The following MAN1C1 variants were observed in gnomAD, a reference collection of about 807,000 sequenced individuals.
MAN1C1 encodes the protein mannosyl-oligosaccharide 1,2-alpha-mannosidase IC.
MAN1C1 carries 49 observed loss-of-function variants against 71.5 expected under a neutral mutation model. The observed-to-expected ratio is 0.69, with a 90% CI of 0.54 to 0.87. The LOEUF is 0.87. Ranked by LOEUF, MAN1C1 falls within the 40% of genes least tolerant of loss-of-function variation. The pLI is 0.00. For synonymous variants in MAN1C1, 352 were observed against 343.7 expected, an observed-to-expected ratio of 1.02 and a Z score of -0.27; for missense variants, 743 against 835.0, an observed-to-expected ratio of 0.89 and a Z score of 1.36.
chr1:25,774,453 G>T (rs760601), intron 8 of MAN1C1, among the ~76,000 whole-genome samples: 1 of 151,926 alleles, frequency 6.6e-6, no homozygotes, highest in South Asian at 2.1e-4. Flanking sequence ...TCTGACTCCA[G>T]ATCCATTGGG....
chr1:25,739,309 A>G (rs1456541749), intron 2 of MAN1C1, among the ~76,000 whole-genome samples: 1 of 152,198 alleles, frequency 6.6e-6, no homozygotes, highest in Admixed American at 6.5e-5. Flanking sequence ...CTTTGAAAAG[A>G]TGGTCTGCCA....
intron 4 of MAN1C1, among the ~76,000 whole-genome samples, chr1:25,751,109 A>G (rs537525577): frequency 7.9e-6 from 1 of 126,354 alleles, no homozygotes; most frequent in South Asian, 2.4e-4. Context: ...CCTTCCTTCC[A>G]TCCATCTTTC....
At chr1:25,760,037 C>G (rs111368811) in intron 6 of MAN1C1, 2 of 152,350 alleles carry the variant, frequency 1.3e-5, no homozygotes, top group African/African-American at 4.8e-5. Flanking sequence ...AGTCCCATCC[C>G]CCAACCTCCC....
chr1:25,622,840 T>A (rs1161197257), intron 1 of MAN1C1, among the ~76,000 whole-genome samples: 2 of 152,232 alleles, frequency 1.3e-5, no homozygotes, highest in East Asian at 3.8e-4. Flanking sequence ...ATTAACGGGC[T>A]GGTTCGTTAG....
At chr1:25,668,600 G>C (rs1019052170) in intron 1 of MAN1C1, among the ~76,000 whole-genome samples, 1 of 148,764 alleles carries the variant, frequency 6.7e-6, no homozygotes, top group Non-Finnish European at 1.5e-5. Flanking sequence ...CAGTCACCCA[G>C]GCTGGAGTGC....
At chr1:25,676,424 G>A (rs1038784636) in intron 1 of MAN1C1, among the ~76,000 whole-genome samples, 27 of 152,102 alleles carry the variant, frequency 1.8e-4, no homozygotes, top group African/African-American at 6.5e-4. Flanking sequence ...AGCCTCACTG[G>A]GGTCACCAAC....
chr1:25,759,057 G>T (rs2047327243), intron 6 of MAN1C1: 2 of 244,730 alleles, frequency 8.2e-6, no homozygotes, highest in Admixed American at 4.7e-5. Flanking sequence ...CCTTGCATTG[G>T]CAGGAATTGG....
chr1:25,767,964 A>G (rs1369088665), intron 7 of MAN1C1, among the ~76,000 whole-genome samples: 4 of 83,996 alleles, frequency 4.8e-5, no homozygotes, highest in African/African-American at 5.2e-5. Flanking sequence ...ATACATCCAC[A>G]CTCCCCTCAC....
intron 1 of MAN1C1, among the ~76,000 whole-genome samples, chr1:25,664,274 A>G (rs1292216390): frequency 6.8e-6 from 1 of 146,208 alleles, no homozygotes; most frequent in Non-Finnish European, 1.5e-5. Context: ...TTTTTTTTTT[A>G]ATTTTAATCC....
In MAN1C1 at chr1:25,624,175, A is replaced by C. The variant is rs536860997; in HGVS notation, c.540+5838A>C. On this transcript the variant is annotated intron_variant, in intron 1 of 11. Coordinates refer to ENST00000374332, the MANE Select transcript of MAN1C1 (RefSeq NM_020379.4). ...AAGCCAAACGGGAGACTCCTCAAAG[A>C]ATTCCAAGGACTCAAGGAACTTAGG... 3.3e-5 allele frequency among the ~76,000 whole-genome samples: 5 copies of C among 152,300 alleles called. No homozygotes were observed. The South Asian group carries it at 1.0e-3, about 32-fold the overall frequency.
At chr1:25,770,111 C>T (rs935881484) in intron 7 of MAN1C1, among the ~76,000 whole-genome samples, 2 of 152,118 alleles carry the variant, frequency 1.3e-5, no homozygotes, top group African/African-American at 4.8e-5. Flanking sequence ...AGACCTGCCC[C>T]TCCTCAACAT....
intron 6 of MAN1C1, among the ~76,000 whole-genome samples, chr1:25,762,789 C>T (rs1387203309): frequency 6.6e-6 from 1 of 152,100 alleles, no homozygotes; most frequent in African/African-American, 2.4e-5. Context: ...CCACATCTTG[C>T]CTATTTGAAT....
chr1:25,647,579 G>A (rs937425612), intron 1 of MAN1C1, among the ~76,000 whole-genome samples: 3 of 152,096 alleles, frequency 2.0e-5, no homozygotes, highest in African/African-American at 7.2e-5. Flanking sequence ...TCTTACCTGG[G>A]GGTTAGGTTC....
chr1:25,696,893 T>C (rs768242629), intron 2 of MAN1C1, among the ~76,000 whole-genome samples: 6 of 152,218 alleles, frequency 3.9e-5, no homozygotes, highest in Non-Finnish European at 8.8e-5. Flanking sequence ...GGGGTCCTCC[T>C]GCCTCAGCCT....
chr1:25,630,238 A>G (rs1384251200), intron 1 of MAN1C1, among the ~76,000 whole-genome samples: 23 of 152,058 alleles, frequency 1.5e-4, no homozygotes, highest in Admixed American at 1.5e-3. Context: ...TGGGTTCTCT[A>G]TTCTTTTCCA....
intron 1 of MAN1C1, among the ~76,000 whole-genome samples, chr1:25,629,046 C>T (rs1014213944): frequency 2.0e-5 from 3 of 152,178 alleles, no homozygotes; most frequent in Non-Finnish European, 4.4e-5. Flanking sequence ...AATTGTGCTG[C>T]AGTAAACATG....
chr1:25,744,493 A>G (rs898520771), intron 2 of MAN1C1, among the ~76,000 whole-genome samples: 12 of 152,066 alleles, frequency 7.9e-5, no homozygotes, highest in African/African-American at 2.4e-4. Flanking sequence ...CCCTTCTGGT[A>G]ATAGATTCTC....
intron 3 of MAN1C1, among the ~76,000 whole-genome samples, chr1:25,748,719 G>T (rs1030734147): frequency 6.6e-6 from 1 of 152,216 alleles, no homozygotes. Flanking sequence ...TGCCCTGTGC[G>T]CTCCGAGCTG....
intron 7 of MAN1C1, among the ~76,000 whole-genome samples, chr1:25,765,072 A>G (rs1251037235): frequency 1.3e-5 from 2 of 152,172 alleles, no homozygotes; most frequent in Non-Finnish European, 2.9e-5. Flanking sequence ...GACGTCATGA[A>G]TTCATCTATA....
Sources: allele counts gnomAD v4.1 joint callset (sites outside exome capture counted in the v4.1 genomes callset), GRCh38; gene constraint gnomAD v4.1.1; transcripts MANE v1.5; gene names NCBI Gene and HGNC (gene_info 2026-07-23, HGNC 2026-07-21).